Variants in SNX9 observed in about 807,000 individuals in gnomAD.
SNX9 encodes the protein sorting nexin-9.
In SNX9, 44 loss-of-function variants were observed where a neutral mutation model predicts 89.4. The observed-to-expected ratio is 0.49, with a 90% confidence interval of 0.39 to 0.63. SNX9 has a LOEUF of 0.63. SNX9 is among the 30% of genes least tolerant of loss of function. The pLI, the probability that SNX9 is intolerant of heterozygous loss-of-function variation, is 0.00. For synonymous variants in SNX9, 236 were observed against 247.8 expected (o/e 0.95, Z 0.45); for missense variants, 578 against 736.1 (o/e 0.79, Z 2.49).
At chr6:157,871,626 A>T (rs960573635) in intron 2 of SNX9, among the ~76,000 whole-genome samples, 2 of 152,194 alleles carry the variant, frequency 1.3e-5, no homozygotes, top group African/African-American at 4.8e-5. Context: ...ATGTATACCT[A>T]TGTAACAAAC....
intron 1 of SNX9, among the ~76,000 whole-genome samples, chr6:157,832,167 C>T (rs747694588): frequency 3.9e-5 from 6 of 152,146 alleles, no homozygotes; most frequent in South Asian, 2.1e-4. Flanking sequence ...ATCTGAAAAT[C>T]GAGTCATATG....
intron 6 of SNX9, among the ~76,000 whole-genome samples, chr6:157,904,353 G>A (rs1030172123): frequency 9.9e-5 from 15 of 152,108 alleles, no homozygotes. Context: ...AGAATCGCTT[G>A]AACCCGGGAG....
intron 17 of SNX9, among the ~76,000 whole-genome samples, chr6:157,942,525 C>T (rs546344121): frequency 1.4e-4 from 21 of 152,242 alleles, no homozygotes; most frequent in African/African-American, 2.7e-4. Context: ...GGTCTGGAAG[C>T]GCCGCTAGGG....
At chr6:157,911,648 G>A (rs756090206) in intron 9 of SNX9, among the ~76,000 whole-genome samples, 2 of 152,130 alleles carry the variant, frequency 1.3e-5, no homozygotes, top group African/African-American at 2.4e-5. Context: ...AAAGGAATTC[G>A]AATCTGATCC....
rs554576645 is a variant in SNX9, at chr6:157,942,904, C to CT, written c.*73dup. On this transcript the variant is annotated 3_prime_UTR_variant, in exon 18 of 18. Transcript: ENST00000392185. The stretch of plus-strand genomic sequence containing the variant: ...TGACTTGGGGCAATGCAATTCAAAA[C>CT]TTTTTTTCCCCTATTATTCAGAAAA... 41 of 1,482,904 alleles carry CT rather than the reference C, an allele frequency of 2.8e-5. No individual in the cohort carries two copies. In the South Asian group the frequency reaches 4.5e-4, roughly 16 times the overall value. The allele number at this position is 1,482,904 out of a possible 1,614,324, so 91.9% of individuals were successfully genotyped here.
chr6:157,927,525 A>G (rs529488805), intron 11 of SNX9, among the ~76,000 whole-genome samples: 3 of 152,206 alleles, frequency 2.0e-5, no homozygotes, highest in Middle Eastern at 3.4e-3. Flanking sequence ...AACCCACTCA[A>G]TATTCAGACA....
chr6:157,911,378 A>G (rs1339279226), intron 9 of SNX9, among the ~76,000 whole-genome samples: 1 of 152,192 alleles, frequency 6.6e-6, no homozygotes, highest in Non-Finnish European at 1.5e-5. Context: ...AGGTCAGGGA[A>G]GACAAGAGGC....
At chr6:157,938,813 G>C in intron 16 of SNX9, 66 bp downstream of exon 16, 2 of 1,221,526 alleles carry the variant, frequency 1.6e-6, no homozygotes, top group Admixed American at 3.8e-5. Flanking sequence ...AGTTTCCCTT[G>C]ATAGAGAGAA....
chr6:157,889,006 A>G (rs1455679948), intron 4 of SNX9, among the ~76,000 whole-genome samples: 1 of 152,142 alleles, frequency 6.6e-6, no homozygotes, highest in Non-Finnish European at 1.5e-5. Flanking sequence ...TTCAAGAGGA[A>G]GGGGAGGTGT....
chr6:157,865,610 T>C (rs757770538), intron 1 of SNX9, among the ~76,000 whole-genome samples: 3 of 152,204 alleles, frequency 2.0e-5, no homozygotes, highest in Non-Finnish European at 4.4e-5. Context: ...ATTTCAGACA[T>C]GGAGAAAGGT....
intron 5 of SNX9, among the ~76,000 whole-genome samples, chr6:157,900,844 C>T (rs1399107498): frequency 1.3e-5 from 2 of 152,152 alleles, no homozygotes; most frequent in Non-Finnish European, 2.9e-5. Context: ...AAGCTGGTTA[C>T]AAACAATCCG....
At chr6:157,839,510 TTTCC>T (rs1781652812) in intron 1 of SNX9, among the ~76,000 whole-genome samples, 1 of 152,246 alleles carries the variant, frequency 6.6e-6, no homozygotes, top group Admixed American at 6.5e-5. Context: ...ACTGCTTCAC[TTTCC>T]TTATCTGTAA....
intron 1 of SNX9, among the ~76,000 whole-genome samples, chr6:157,851,467 ACT>A (rs1209866022): frequency 6.6e-6 from 1 of 151,762 alleles, no homozygotes; most frequent in Non-Finnish European, 1.5e-5. Context: ...CCAAATAGAA[ACT>A]CTGTATTGCA....
intron 2 of SNX9, 72 bp from the exon 3 acceptor site, chr6:157,873,029 TC>T: frequency 8.0e-7 from 1 of 1,251,750 alleles, no homozygotes; most frequent in Non-Finnish European, 1.1e-6. Context: ...TAACAATTCC[TC>T]CACACAAAAT....
chr6:157,889,010 G>A (rs1193286686), intron 4 of SNX9, among the ~76,000 whole-genome samples: 2 of 152,194 alleles, frequency 1.3e-5, no homozygotes, highest in Non-Finnish European at 2.9e-5. Flanking sequence ...AGAGGAAGGG[G>A]AGGTGTAAGG....
chr6:157,932,744 G>A (rs1436943775), intron 13 of SNX9, among the ~76,000 whole-genome samples: 1 of 151,276 alleles, frequency 6.6e-6, no homozygotes, highest in Admixed American at 6.6e-5. Context: ...GTGCATACAG[G>A]TAGTTGCAAC....
intron 2 of SNX9, among the ~76,000 whole-genome samples, chr6:157,871,626 A>C (rs960573635): frequency 6.6e-6 from 1 of 152,194 alleles, no homozygotes; most frequent in Non-Finnish European, 1.5e-5. Context: ...ATGTATACCT[A>C]TGTAACAAAC....
intron 1 of SNX9, among the ~76,000 whole-genome samples, chr6:157,842,719 G>A (rs558810331): frequency 6.6e-6 from 1 of 152,162 alleles, no homozygotes; most frequent in Admixed American, 6.5e-5. Flanking sequence ...GGTTGGGCCA[G>A]GTTACTGGTC....
Position 157,839,461 on chromosome 6 carries a change from C to T in SNX9, c.12+16015C>T, listed in dbSNP as rs1583192613. Among the ~76,000 whole-genome samples, 5 of 152,178 alleles carry T rather than the reference C, an allele frequency of 3.3e-5. No individual in the cohort carries two copies. In the South Asian group the frequency reaches 8.3e-4, roughly 25 times the overall value. On this transcript the variant is annotated intron_variant, in intron 1 of 17. Coordinates refer to ENST00000392185, the MANE Select transcript of SNX9 (RefSeq NM_016224.5). Reference sequence around the variant, plus strand: ...GAGATTAGGAGCCTGGGTTCAAATCCCAGTCCAGTTATTAATACATTACTT... The same window carrying T: ...GAGATTAGGAGCCTGGGTTCAAATCTCAGTCCAGTTATTAATACATTACTT...
Sources: allele counts gnomAD v4.1 joint callset (sites outside exome capture counted in the v4.1 genomes callset), GRCh38; gene constraint gnomAD v4.1.1; transcripts MANE v1.5; gene names NCBI Gene and HGNC (gene_info 2026-07-23, HGNC 2026-07-21).